The following GSR variants were observed in gnomAD, a reference collection of about 807,000 sequenced individuals.
GSR encodes glutathione-disulfide reductase, also known as glutathione reductase, mitochondrial.
Under a neutral mutation model 56.5 loss-of-function variants are expected in GSR, and 48 were observed. The ratio of observed to expected loss-of-function variants is 0.85; its 90% CI spans 0.67 to 1.08. The LOEUF (loss-of-function observed/expected upper bound fraction) is 1.08, where lower values mean the gene tolerates loss of function less well. Among genes scored for constraint, GSR ranks in the 50% least tolerant of loss-of-function variants. GSR has a pLI of 0.00. For synonymous variants in GSR, 264 were observed against 270.8 expected (o/e 0.97, Z 0.25); for missense variants, 694 against 703.3 (o/e 0.99, Z 0.15).
rs370753168 is a variant in GSR, at chr8:30,725,410, A to G, written c.306+2120T>C. Among the ~76,000 whole-genome samples, 9 of 151,652 alleles carry G rather than the reference A, an allele frequency of 5.9e-5. No individual in the cohort carries two copies. The East Asian group carries it at 1.2e-3, about 20-fold the overall frequency. On this transcript the variant is annotated intron_variant, in intron 1 of 12. Coordinates refer to ENST00000221130, the MANE Select transcript of GSR (RefSeq NM_000637.5). Reference sequence around the variant, plus strand: ...ACCAGCCTGGCTCTACTAAAAATACAAAAGTTAGCTGGGTGTAGTGGCACC... The same window carrying G: ...ACCAGCCTGGCTCTACTAAAAATACGAAAGTTAGCTGGGTGTAGTGGCACC...
At chr8:30,683,970 A>C (rs1419801002) in intron 10 of GSR, 118 bp downstream of exon 10, 4 of 768,176 alleles carry the variant, frequency 5.2e-6, no homozygotes, top group Non-Finnish European at 7.3e-6. Flanking sequence ...CATTTTGACA[A>C]TATAAAGACA....
chr8:30,713,067 C>T (rs1261128835), intron 1 of GSR, among the ~76,000 whole-genome samples: 2 of 150,812 alleles, frequency 1.3e-5, no homozygotes, highest in African/African-American at 2.4e-5. Flanking sequence ...GACGGAGTCT[C>T]GCTTTGTTGC....
At chr8:30,700,158 G>C (rs765346616) in intron 5 of GSR, 23 bp from the exon 6 acceptor site, 8 of 1,545,022 alleles carry the variant, frequency 5.2e-6, no homozygotes, top group Non-Finnish European at 7.2e-6. Flanking sequence ...AGGCAACATA[G>C]ATCACACAAG....
At chr8:30,705,951 C>T (rs899696375) in intron 4 of GSR, among the ~76,000 whole-genome samples, 1 of 152,066 alleles carries the variant, frequency 6.6e-6, no homozygotes, top group African/African-American at 2.4e-5. Flanking sequence ...TGAAGTAACT[C>T]GTCCTAAAAA....
intron 10 of GSR, among the ~76,000 whole-genome samples, chr8:30,683,314 CTGATA>C (rs1803018814): frequency 6.6e-6 from 1 of 152,048 alleles, no homozygotes; most frequent in Admixed American, 6.6e-5. Flanking sequence ...GGTTTTCATC[CTGATA>C]TAAGGCCCTG....
Position 30,708,107 on chromosome 8 carries a change from G to A in GSR, c.457C>T (p.Arg153Cys), listed in dbSNP as rs8190955. 15,670 of 1,613,214 alleles carry A rather than the reference G, an allele frequency of 9.7e-3. 493 individuals are homozygous for A. Among genetic ancestry groups the A allele is most frequent in the African/African-American group, 0.087 (6,501 of 74,950 alleles). ...TTGTTTTGATAGATGGCATTCAGGC[G>A]GCTCACATAGGCATCCCGCTTTTCC... ...IKEKRDAYVSRLNAIYQNNLT... is the reference protein window; with the variant it reads ...IKEKRDAYVSCLNAIYQNNLT... The change falls in exon 4 of 13, where the codon CGC (arginine) becomes TGC (cysteine). Residue 153 changes from arginine (R) to cysteine (C), a missense_variant. Arg to Cys is a radical substitution (Grantham distance 180). Coordinates refer to ENST00000221130, the MANE Select transcript of GSR (RefSeq NM_000637.5).
At chr8:30,689,840 G>A (rs1803302656) in intron 8 of GSR, among the ~76,000 whole-genome samples, 1 of 132,708 alleles carries the variant, frequency 7.5e-6, no homozygotes, top group African/African-American at 2.8e-5. Context: ...ATAAACATAT[G>A]CATATTATAT....
intron 1 of GSR, among the ~76,000 whole-genome samples, chr8:30,714,202 CTTTTTTTTTTTTTTT>C (rs33969608): frequency 4.7e-5 from 3 of 63,960 alleles, no homozygotes; most frequent in Non-Finnish European, 8.0e-5. Context: ...GTTCTATATG[CTTTTTTTTTTTTTTT>C]TTTTTTTTTT....
chr8:30,718,892 G>A (rs775037528), intron 1 of GSR, among the ~76,000 whole-genome samples: 4 of 149,252 alleles, frequency 2.7e-5, no homozygotes, highest in South Asian at 2.2e-4. Flanking sequence ...TTATAGGCAC[G>A]CACCACTATG....
At chr8:30,699,228 C>T (rs1266666067) in intron 6 of GSR, among the ~76,000 whole-genome samples, 1 of 151,900 alleles carries the variant, frequency 6.6e-6, no homozygotes, top group South Asian at 2.1e-4. Context: ...GAGCTCAAGG[C>T]TACCACAAGC....
intron 4 of GSR, 98 bp downstream of exon 4, chr8:30,707,974 A>G (rs764972872): frequency 1.4e-6 from 1 of 711,652 alleles, no homozygotes; most frequent in African/African-American, 1.8e-5. Flanking sequence ...ATAATAATAA[A>G]AATAAATAAA....
In GSR at chr8:30,689,118, C is replaced by T. The variant is rs563780115; in HGVS notation, c.1041+43G>A. The T allele has an allele frequency of 8.2e-6, 13 of 1,589,210 alleles. No homozygotes were observed. In the African/African-American group the frequency reaches 1.2e-4, roughly 15 times the overall value. ...GGGGGAAAATAAAACCATAAGACTC[C>T]TAGTAGATTCACAAATGTTTCGGGC... On this transcript the variant is annotated intron_variant, in intron 9 of 12. Transcript: ENST00000221130.
chr8:30,727,470 G>A, intron 1 of GSR, 60 bp downstream of exon 1: 1 of 1,439,808 alleles, frequency 6.9e-7, no homozygotes, highest in South Asian at 1.2e-5. Context: ...AGCACAGGCT[G>A]TCCCCCGAAA....
Position 30,696,460 on chromosome 8 carries a change from C to G in GSR, c.715G>C (p.Ala239Pro). The G allele has an allele frequency of 6.2e-7, 1 of 1,612,404 alleles. No individual in the cohort carries two copies. The highest frequency in any genetic ancestry group is 8.5e-7 in the Non-Finnish European group (1 of 1,178,428). The change falls in exon 7 of 13, where the codon GCA becomes CCA. Residue 239 changes from alanine to proline, a missense_variant. By Grantham distance (27) the Ala-to-Pro change is conservative. Transcript: ENST00000221130. ...GCCATCTCCACAGCAATGTAACCTG[C>G]ACCAACAATGACGCTGCGGCTGAGA... is the stretch of plus-strand genomic sequence containing the variant. ...ELPGRSVIVG[A>P]GYIAVEMAGI...
intron 11 of GSR, among the ~76,000 whole-genome samples, chr8:30,681,309 C>A (rs887605528): frequency 6.6e-6 from 1 of 152,078 alleles, no homozygotes; most frequent in South Asian, 2.1e-4. Context: ...GCAGGTGGAT[C>A]GCTTGAGCCC....
At chr8:30,690,956 G>A (rs760241083) in intron 8 of GSR, among the ~76,000 whole-genome samples, 10 of 151,952 alleles carry the variant, frequency 6.6e-5, no homozygotes, top group Non-Finnish European at 1.5e-4. Flanking sequence ...TAGAAGCTAG[G>A]TGGGAGGATT....
intron 9 of GSR, among the ~76,000 whole-genome samples, chr8:30,687,969 G>A (rs983567382): frequency 6.6e-6 from 1 of 152,164 alleles, no homozygotes; most frequent in Non-Finnish European, 1.5e-5. Flanking sequence ...CAACTGTTAT[G>A]TTGTAAGAAC....
chr8:30,706,965 T>C (rs1277901093), intron 4 of GSR: 1 of 152,062 alleles, frequency 6.6e-6, no homozygotes, highest in Non-Finnish European at 1.5e-5. Context: ...TGAAATCCCG[T>C]TTCTAGTAAA....
At chr8:30,699,534 T>C (rs1381809932) in intron 6 of GSR, among the ~76,000 whole-genome samples, 1 of 151,998 alleles carries the variant, frequency 6.6e-6, no homozygotes. Context: ...AACTCCGCCT[T>C]GAGAATTCAA....
Sources: gnomAD v4.1 joint callset for allele counts (sites outside exome capture counted in the v4.1 genomes callset) on GRCh38, gnomAD v4.1.1 for gene constraint, MANE v1.5 for transcripts, NCBI Gene and HGNC (gene_info 2026-07-23, HGNC 2026-07-21) for gene names.